Variants in MYO19 observed in about 807,000 individuals in gnomAD.
The protein encoded by MYO19 is unconventional myosin-XIX.
Under a neutral mutation model 129.2 loss-of-function variants are expected in MYO19, and 132 were observed. That is an observed-to-expected ratio of 1.02 (90% CI 0.89 to 1.18). The LOEUF is 1.18. Ranked by LOEUF, MYO19 falls within the 50% of genes most tolerant of loss-of-function variation. MYO19 has a pLI of 0.00. For synonymous variants in MYO19, 531 were observed against 477.2 expected (o/e 1.11, Z -1.47); for missense variants, 1,210 against 1,216.7 (o/e 0.99, Z 0.08).
At chr17:36,497,489 T>A (rs140582228) in intron 25 of MYO19, 13,434 of 971,766 alleles carry the variant, frequency 0.014, 101 homozygotes, top group Non-Finnish European at 0.015. Flanking sequence ...GTGGGACTAA[T>A]TAGATTATTT....
At chr17:36,522,335 C>T (rs2142260526) in intron 6 of MYO19, among the ~76,000 whole-genome samples, 1 of 151,302 alleles carries the variant, frequency 6.6e-6, no homozygotes, top group South Asian at 2.1e-4. Flanking sequence ...TGATGAAACT[C>T]CGTCTCTACT....
At chr17:36,523,042 C>T (rs1012495128) in intron 6 of MYO19, among the ~76,000 whole-genome samples, 8 of 149,034 alleles carry the variant, frequency 5.4e-5, no homozygotes, top group Non-Finnish European at 1.0e-4. Flanking sequence ...AAAAACTTTG[C>T]TGAGTGTGGT....
At chr17:36,524,405 G>T (rs982739826) in intron 6 of MYO19, among the ~76,000 whole-genome samples, 1 of 152,194 alleles carries the variant, frequency 6.6e-6, no homozygotes, top group African/African-American at 2.4e-5. Flanking sequence ...GGAGTTTATG[G>T]TCCAAAGAGT....
rs918554819 is a variant in MYO19, at chr17:36,511,684, T to C, written c.895-229A>G. Among the ~76,000 whole-genome samples the C allele has an allele frequency of 2.6e-5, 4 of 152,264 alleles. No individual in the cohort carries two copies. In the East Asian group the frequency reaches 5.8e-4, roughly 22 times the overall value. The stretch of plus-strand genomic sequence containing the variant: ...GCTACGCCACTGCCTATGATAGAGA[T>C]GAGACTGAGGACACGTGCTTCCTGA... On this transcript the variant is annotated intron_variant, in intron 11 of 25. Transcript: ENST00000614623.
chr17:36,505,107 T>C, intron 19 of MYO19, 190 bp downstream of exon 19: 2 of 764,148 alleles, frequency 2.6e-6, no homozygotes, highest in Non-Finnish European at 4.8e-6. Flanking sequence ...TAGGCTACTA[T>C]GCACAGACCA....
chr17:36,517,524 T>A (rs1434642335), intron 6 of MYO19, among the ~76,000 whole-genome samples: 1 of 152,208 alleles, frequency 6.6e-6, no homozygotes, highest in Non-Finnish European at 1.5e-5. Context: ...CCTCCCAAAG[T>A]GCTGGATTAC....
intron 3 of MYO19, among the ~76,000 whole-genome samples, chr17:36,530,385 C>T (rs1249733416): frequency 6.6e-6 from 1 of 150,956 alleles, no homozygotes; most frequent in Non-Finnish European, 1.5e-5. Flanking sequence ...CAAAAACACA[C>T]GAAGGATTTA....
intron 2 of MYO19, chr17:36,533,351 CAAG>C (rs1437681655): frequency 6.6e-6 from 1 of 152,234 alleles, no homozygotes; most frequent in Non-Finnish European, 1.5e-5. Context: ...GTGTCAACTT[CAAG>C]AAGGTGAGGA....
intron 1 of MYO19, among the ~76,000 whole-genome samples, chr17:36,542,818 C>T (rs1320409282): frequency 1.3e-5 from 2 of 151,892 alleles, no homozygotes; most frequent in Non-Finnish European, 2.9e-5. Flanking sequence ...CCGGTTCAAG[C>T]GATTCTTCTG....
chr17:36,538,149 C>T (rs915277591), upstream of MYO19: 1 of 1,613,976 alleles, frequency 6.2e-7, no homozygotes. Flanking sequence ...AGCTATTAGC[C>T]TCTTCATATC....
intron 6 of MYO19, among the ~76,000 whole-genome samples, chr17:36,521,202 T>C (rs1020581016): frequency 5.3e-5 from 8 of 152,184 alleles, no homozygotes; most frequent in Non-Finnish European, 1.0e-4. Flanking sequence ...CTACTTACAG[T>C]GAGGCCCCAT....
At chr17:36,520,311 T>C (rs1201230721) in intron 6 of MYO19, among the ~76,000 whole-genome samples, 3 of 152,198 alleles carry the variant, frequency 2.0e-5, no homozygotes, top group East Asian at 3.8e-4. Context: ...TTTTCAGCAC[T>C]TTGACCATAA....
At chr17:36,504,092 C>T (rs770075039) in intron 19 of MYO19, 72 bp from the exon 20 acceptor site, 133 of 1,296,772 alleles carry the variant, frequency 1.0e-4, no homozygotes, top group Non-Finnish European at 1.3e-4. Context: ...ATTCTCTCAG[C>T]CCTTCTTCTT....
In MYO19 at chr17:36,510,850, A is replaced by T. The variant is rs1342299107; in HGVS notation, c.1053T>A (p.Ile351=). ...GCTGTCTGCCTGCCCTGATGGTTCT[A>T]ATCTGCACCATCTCCAGCAGCACGT... ...PEDVLLEMVQ[I]RTIRAGRQQQ... is the part of the protein sequence containing the mutation. The change falls in exon 13 of 26, where the codon ATT becomes ATA. Residue 351 remains isoleucine (I), a synonymous_variant. Coordinates refer to ENST00000614623, the MANE Select transcript of MYO19 (RefSeq NM_001163735.2). 3.2e-6 allele frequency: 5 copies of T among 1,581,544 alleles called. No homozygotes were observed. Among genetic ancestry groups the T allele is most frequent in the Non-Finnish European group, 4.3e-6 (5 of 1,163,744 alleles).
rs376928893 is a variant in MYO19, at chr17:36,505,413, G to C, written c.1798-9C>G. 6.2e-7 allele frequency: 1 copy of C among 1,611,132 alleles called. No individual in the cohort carries two copies. The highest frequency in any genetic ancestry group is 1.3e-5 in the African/African-American group (1 of 74,886). On this transcript the variant is annotated splice_polypyrimidine_tract_variant and intron_variant, in intron 18 of 25. Transcript: ENST00000614623. Reference sequence around the variant, plus strand: ...AGCTGCTCCAGTGAGGCCTGCAGATGAGAGACCATGGGGTTAGGCAGGGAG... The same window carrying C: ...AGCTGCTCCAGTGAGGCCTGCAGATCAGAGACCATGGGGTTAGGCAGGGAG...
intron 3 of MYO19, among the ~76,000 whole-genome samples, chr17:36,530,265 G>A (rs907635313): frequency 2.0e-5 from 3 of 152,022 alleles, no homozygotes; most frequent in Non-Finnish European, 2.9e-5. Context: ...TGAGCTATGG[G>A]GATATCACTG....
upstream of MYO19, among the ~76,000 whole-genome samples, chr17:36,536,617 C>A (rs997752770): frequency 1.5e-4 from 22 of 148,720 alleles, no homozygotes; most frequent in African/African-American, 5.4e-4. Flanking sequence ...CCGGTTCAAC[C>A]GATTCTCCTG....
intron 2 of MYO19, among the ~76,000 whole-genome samples, chr17:36,541,674 C>T (rs1369870686): frequency 5.3e-5 from 8 of 152,204 alleles, no homozygotes; most frequent in African/African-American, 1.7e-4. Context: ...ATCCTTTGAA[C>T]TTGCATTTCA....
Position 36,495,868 on chromosome 17 carries a change from C to A in MYO19, c.*383G>T. On this transcript the variant is annotated 3_prime_UTR_variant, in exon 26 of 26. Transcript: ENST00000614623. Reference sequence around the variant, plus strand: ...AAATAACCACAAGATTTTTCCCAGCCCAAATTCCAGCGCCAATTTTAGGCC... The same window carrying A: ...AAATAACCACAAGATTTTTCCCAGCACAAATTCCAGCGCCAATTTTAGGCC... The A allele has an allele frequency of 8.1e-7, 1 of 1,238,826 alleles. No individual in the cohort carries two copies. The highest frequency in any genetic ancestry group is 4.0e-5 in the South Asian group (1 of 24,802). 76.7% of individuals were successfully genotyped at this position (1,238,826 alleles called of 1,614,324 possible).
Sources: allele counts gnomAD v4.1 joint callset (sites outside exome capture counted in the v4.1 genomes callset), GRCh38; gene constraint gnomAD v4.1.1; transcripts MANE v1.5; gene names NCBI Gene and HGNC (gene_info 2026-07-23, HGNC 2026-07-21).